The following CRISP1 variants were observed in gnomAD, a reference collection of about 807,000 sequenced individuals.
CRISP1 encodes the protein cysteine rich secretory protein 1.
Under a neutral mutation model 33.1 loss-of-function variants are expected in CRISP1, and 44 were observed. The ratio of observed to expected loss-of-function variants is 1.33; its 90% CI spans 1.05 to 1.71. The LOEUF (loss-of-function observed/expected upper bound fraction) is 1.71. Ranked by LOEUF, CRISP1 falls within the 40% of genes most tolerant of loss-of-function variation. The pLI, the probability that CRISP1 is intolerant of heterozygous loss-of-function variation, is 0.00. For synonymous variants in CRISP1, 103 were observed against 98.7 expected (o/e 1.04, Z -0.26); for missense variants, 390 against 301.2 (o/e 1.29, Z -2.18).
At chr6:49,874,548 T>G (rs1771992642) in intron 1 of CRISP1, among the ~76,000 whole-genome samples, 1 of 152,050 alleles carries the variant, frequency 6.6e-6, no homozygotes, top group South Asian at 2.1e-4. Context: ...AGGATATTAT[T>G]TTATGAGGCC....
At chr6:49,855,219 G>A (rs1402196956) in intron 2 of CRISP1, among the ~76,000 whole-genome samples, 2 of 152,014 alleles carry the variant, frequency 1.3e-5, no homozygotes, top group Non-Finnish European at 2.9e-5. Flanking sequence ...GCTTTACTAT[G>A]TCTATAGCCT....
intron 1 of CRISP1, among the ~76,000 whole-genome samples, chr6:49,873,631 G>C (rs184583391): frequency 8.5e-5 from 13 of 152,152 alleles, no homozygotes; most frequent in Admixed American, 7.9e-4. Flanking sequence ...AAAAGGAACA[G>C]AGTTATTTAT....
At chr6:49,848,551 T>C (rs1406243353) in intron 3 of CRISP1, among the ~76,000 whole-genome samples, 4 of 152,140 alleles carry the variant, frequency 2.6e-5, no homozygotes, top group East Asian at 1.9e-4. Context: ...TCAGATGTAG[T>C]AGAGAATTTA....
chr6:49,871,486 A>G (rs1189225162), upstream of CRISP1, among the ~76,000 whole-genome samples: 2 of 151,998 alleles, frequency 1.3e-5, no homozygotes, highest in South Asian at 4.1e-4. Flanking sequence ...ATGTAGAAAT[A>G]CATTAGAAAT....
intron 5 of CRISP1, among the ~76,000 whole-genome samples, 200 bp downstream of exon 5, chr6:49,846,320 A>C (rs997656631): frequency 1.3e-5 from 2 of 152,162 alleles, no homozygotes; most frequent in African/African-American, 4.8e-5. Flanking sequence ...GTAAAGAAGG[A>C]TACTAAGAGG....
chr6:49,852,311 T>A (rs993360549), intron 2 of CRISP1, among the ~76,000 whole-genome samples, 182 bp from the exon 3 acceptor site: 3 of 152,190 alleles, frequency 2.0e-5, no homozygotes, highest in African/African-American at 7.2e-5. Flanking sequence ...TTTGAGGATT[T>A]CTCAACGTCA....
intron 1 of CRISP1, among the ~76,000 whole-genome samples, chr6:49,876,701 G>A (rs991830449): frequency 3.3e-5 from 5 of 152,040 alleles, no homozygotes; most frequent in African/African-American, 9.7e-5. Flanking sequence ...ACACTATGTA[G>A]CCATAAAGAA....
rs183450705 is a variant in CRISP1 at position 49,856,100 on chromosome 6, C to T, written c.66+1235G>A. On this transcript the variant is annotated intron_variant, in intron 2 of 7. Transcript: ENST00000335847. ...TTTCTTTTGTATTCTTGGTCAAAAGCGGATTGGGTATGGTTTCCCTTGGAC... is the reference window on the plus strand; with the variant it reads ...TTTCTTTTGTATTCTTGGTCAAAAGTGGATTGGGTATGGTTTCCCTTGGAC... 1.6e-4 allele frequency among the ~76,000 whole-genome samples: 25 copies of T among 152,214 alleles called. No homozygotes were observed. In the East Asian group the frequency reaches 4.1e-3, roughly 25 times the overall value.
intron 2 of CRISP1, 54 bp from the exon 3 acceptor site, chr6:49,852,183 C>T (rs776077378): frequency 1.0e-5 from 16 of 1,576,986 alleles, no homozygotes; most frequent in Non-Finnish European, 1.4e-5. Flanking sequence ...GAATTTGTCA[C>T]ATATATTTTG....
intron 1 of CRISP1, among the ~76,000 whole-genome samples, chr6:49,863,799 C>T (rs918910044): frequency 2.6e-5 from 4 of 152,330 alleles, no homozygotes; most frequent in African/African-American, 9.6e-5. Flanking sequence ...CCTTCCTTGC[C>T]TTAACCAAAG....
At chr6:49,839,139 C>T (rs983712593) in intron 6 of CRISP1, among the ~76,000 whole-genome samples, 4 of 151,818 alleles carry the variant, frequency 2.6e-5, no homozygotes, top group Middle Eastern at 3.4e-3. Context: ...TAATTTGAAA[C>T]TTTAGAAAAG....
chr6:49,858,267 T>C (rs1049490929), intron 1 of CRISP1, among the ~76,000 whole-genome samples: 1 of 152,180 alleles, frequency 6.6e-6, no homozygotes, highest in Admixed American at 6.5e-5. Flanking sequence ...TATAGCTAGC[T>C]AACTCTAGGA....
At chr6:49,859,927 A>G (rs149760061) in intron 1 of CRISP1, among the ~76,000 whole-genome samples, 1 of 152,270 alleles carries the variant, frequency 6.6e-6, no homozygotes, top group African/African-American at 2.4e-5. Flanking sequence ...AAGATACTTC[A>G]TGCAAATGGA....
intron 1 of CRISP1, 40 bp downstream of exon 1, chr6:49,866,389 T>C (rs561616251): frequency 1.3e-5 from 2 of 152,278 alleles, no homozygotes; most frequent in Admixed American, 1.3e-4. Flanking sequence ...TGAATCTTAT[T>C]TTCAAATAAA....
chr6:49,876,988 A>C (rs1482463834), intron 1 of CRISP1: 3 of 151,920 alleles, frequency 2.0e-5, no homozygotes, highest in African/African-American at 7.2e-5. Flanking sequence ...ACCATGGCAC[A>C]CATTCACCTA....
At chr6:49,864,696 T>C (rs919576317) in intron 1 of CRISP1, among the ~76,000 whole-genome samples, 10 of 152,184 alleles carry the variant, frequency 6.6e-5, no homozygotes, top group Non-Finnish European at 1.3e-4. Flanking sequence ...TCAGCCACTT[T>C]GATCCCATCT....
intron 3 of CRISP1, among the ~76,000 whole-genome samples, chr6:49,851,744 G>A (rs1771348239): frequency 6.6e-6 from 1 of 152,136 alleles, no homozygotes; most frequent in Non-Finnish European, 1.5e-5. Context: ...GGTGATTCTT[G>A]AGTACATTAA....
chr6:49,871,144 G>T (rs866456961), upstream of CRISP1, among the ~76,000 whole-genome samples: 2 of 148,460 alleles, frequency 1.3e-5, no homozygotes, highest in Non-Finnish European at 3.0e-5. Flanking sequence ...AAAAAACAAA[G>T]AAAGAAAGAA....
intron 1 of CRISP1, among the ~76,000 whole-genome samples, chr6:49,876,495 G>C (rs1300690776): frequency 3.9e-5 from 6 of 152,024 alleles, no homozygotes; most frequent in African/African-American, 1.4e-4. Flanking sequence ...CAAAGATCTA[G>C]AGGCAGAAAT....
Sources: gnomAD v4.1 joint callset for allele counts (sites outside exome capture counted in the v4.1 genomes callset) on GRCh38, gnomAD v4.1.1 for gene constraint, MANE v1.5 for transcripts, NCBI Gene and HGNC (gene_info 2026-07-23, HGNC 2026-07-21) for gene names.